THADA: variants seen among roughly 807,000 people sequenced by gnomAD.
THADA encodes tRNA (32-2'-O)-methyltransferase regulator THADA.
THADA carries 213 observed loss-of-function variants against 219.8 expected under a neutral mutation model. The observed-to-expected ratio is 0.97, with a 90% CI of 0.87 to 1.09. The LOEUF (loss-of-function observed/expected upper bound fraction) is 1.09, where lower values mean the gene tolerates loss of function less well. THADA is among the 50% of genes least tolerant of loss of function. THADA has a pLI of 0.00. For missense variants in THADA, 2,956 were observed against 2,311.3 expected (o/e 1.28, Z -5.72); for synonymous variants, 1,018 against 828.9 (o/e 1.23, Z -3.92).
At chr2:43,364,832 G>C (rs1669941619) in intron 29 of THADA, among the ~76,000 whole-genome samples, 1 of 152,176 alleles carries the variant, frequency 6.6e-6, no homozygotes, top group African/African-American at 2.4e-5. Context: ...CATGAGATGA[G>C]GTTGGAGAGG....
intron 36 of THADA, among the ~76,000 whole-genome samples, chr2:43,266,853 C>T (rs1186866522): frequency 6.6e-6 from 1 of 152,188 alleles, no homozygotes. Context: ...CACGCATAAG[C>T]ACAGTGGTGG....
chr2:43,484,241 A>G (rs913588268), intron 26 of THADA: 3 of 164,686 alleles, frequency 1.8e-5, no homozygotes, highest in Non-Finnish European at 2.9e-5. Flanking sequence ...ATACCATAGT[A>G]GGTTTCATTA....
intron 35 of THADA, 127 bp downstream of exon 35, chr2:43,286,781 A>G (rs1674069782): frequency 1.9e-6 from 2 of 1,068,278 alleles, no homozygotes; most frequent in Non-Finnish European, 2.7e-6. Context: ...GACGGTAGGA[A>G]TATAACTGAA....
chr2:43,427,969 AC>A (rs1269760256), intron 28 of THADA, 130 bp downstream of exon 28: 14 of 454,352 alleles, frequency 3.1e-5, no homozygotes, highest in African/African-American at 3.0e-4. Flanking sequence ...AAACAAACAA[AC>A]AAACAAATAA....
intron 1 of THADA, among the ~76,000 whole-genome samples, chr2:43,593,723 T>A (rs1473054035): frequency 2.1e-5 from 3 of 144,548 alleles, no homozygotes; most frequent in African/African-American, 7.8e-5. Context: ...AAGCTCAGCC[T>A]CCTGGGTTCA....
intron 26 of THADA, among the ~76,000 whole-genome samples, chr2:43,459,156 T>G (rs926704251): frequency 1.3e-5 from 2 of 152,230 alleles, no homozygotes; most frequent in African/African-American, 4.8e-5. Context: ...CCCATGTCCT[T>G]GAGTTAGCTG....
chr2:43,448,598 A>G (rs1471685630), intron 26 of THADA, among the ~76,000 whole-genome samples: 1 of 50,740 alleles, frequency 2.0e-5, no homozygotes, highest in African/African-American at 7.6e-5. Flanking sequence ...TTTCTTCTTC[A>G]TTTTTCTCTT....
In THADA at chr2:43,453,040, C is replaced by T. The variant is rs1682543618; in HGVS notation, c.3837-22738G>A. 2.6e-5 allele frequency among the ~76,000 whole-genome samples: 4 copies of T among 152,066 alleles called. No individual in the cohort carries two copies. In the South Asian group the frequency reaches 8.3e-4, roughly 32 times the overall value. On this transcript the variant is annotated intron_variant, in intron 26 of 37. Transcript: ENST00000405975. ...CAGTGAACCGATGCTTTTTGTAAGT[C>T]TGTGAACACTCAGGCTGAGACTTAT...
chr2:43,237,731 C>A (rs1428677242), intron 36 of THADA, among the ~76,000 whole-genome samples: 1 of 151,938 alleles, frequency 6.6e-6, no homozygotes, highest in African/African-American at 2.4e-5. Flanking sequence ...AGAAAACTCA[C>A]AGAAGAAAAC....
chr2:43,558,846 A>G (rs777075941), intron 16 of THADA, among the ~76,000 whole-genome samples: 1 of 152,194 alleles, frequency 6.6e-6, no homozygotes, highest in African/African-American at 2.4e-5. Context: ...TATTCCTTTA[A>G]CTATTTTACT....
intron 29 of THADA, among the ~76,000 whole-genome samples, chr2:43,344,852 G>C (rs1238224699): frequency 1.3e-5 from 2 of 151,764 alleles, no homozygotes; most frequent in Non-Finnish European, 2.9e-5. Flanking sequence ...AAGGATACTC[G>C]TGTATATGCA....
chr2:43,340,937 G>A (rs1666997312), intron 30 of THADA, among the ~76,000 whole-genome samples: 1 of 152,200 alleles, frequency 6.6e-6, no homozygotes, highest in African/African-American at 2.4e-5. Flanking sequence ...GGGCAGGCAT[G>A]TGACACCGAG....
chr2:43,577,358 A>C, intron 9 of THADA, 116 bp from the exon 10 acceptor site: 1 of 809,648 alleles, frequency 1.2e-6, no homozygotes, highest in Non-Finnish European at 1.9e-6. Context: ...AAATGACTAA[A>C]TCCAAAGATA....
intron 31 of THADA, among the ~76,000 whole-genome samples, chr2:43,309,352 G>T (rs1292084618): frequency 6.6e-6 from 1 of 151,490 alleles, no homozygotes; most frequent in Non-Finnish European, 1.5e-5. Context: ...TTACCCAAGA[G>T]AAATGAAAAC....
At chr2:43,255,709 G>A (rs1161924989) in intron 36 of THADA, among the ~76,000 whole-genome samples, 15 of 152,300 alleles carry the variant, frequency 9.8e-5, no homozygotes, top group Non-Finnish European at 1.5e-5. Context: ...CACACACCCC[G>A]GGAAGCTCAG....
At chr2:43,296,557 G>T (rs10439463) in intron 31 of THADA, among the ~76,000 whole-genome samples, 27,191 of 152,028 alleles carry the variant, frequency 0.18, 3,326 homozygotes, top group African/African-American at 0.34. Flanking sequence ...ATTACAGGTG[G>T]GAGCCACTGA....
At chr2:43,470,406 G>C (rs1684774668) in intron 26 of THADA, among the ~76,000 whole-genome samples, 3 of 151,902 alleles carry the variant, frequency 2.0e-5, no homozygotes, top group Admixed American at 2.0e-4. Context: ...AAAACTAGGG[G>C]GGAAACGAAA....
Position 43,586,912 on chromosome 2 carries a change from T to TAA in THADA, c.391_392dup (p.Leu131PhefsTer41), listed in dbSNP as rs772872796. 6.2e-7 allele frequency: 1 copy of TAA among 1,612,044 alleles called. No homozygotes were observed. Among genetic ancestry groups the TAA allele is most frequent in the Non-Finnish European group, 8.5e-7 (1 of 1,178,160 alleles). ...TGTCAGTAACTTTCCTGTAAGAGTA[T>TAA]AAGTCAGTAGTATTCAATTCTTCCT... is the stretch of plus-strand genomic sequence containing the variant. On this transcript the variant is annotated frameshift_variant, in exon 5 of 38. Transcript: ENST00000405975. LOFTEE classifies it high-confidence loss of function.
chr2:43,309,464 A>G (rs953154144), intron 31 of THADA, among the ~76,000 whole-genome samples: 3 of 152,332 alleles, frequency 2.0e-5, no homozygotes, highest in Middle Eastern at 6.8e-3. Flanking sequence ...AATTAGTATA[A>G]ACAAGCCATA....
Sources: gnomAD v4.1 joint callset for allele counts (sites outside exome capture counted in the v4.1 genomes callset) on GRCh38, gnomAD v4.1.1 for gene constraint, MANE v1.5 for transcripts, NCBI Gene and HGNC (gene_info 2026-07-23, HGNC 2026-07-21) for gene names.